Variants in ZHX3 observed in about 807,000 individuals in gnomAD.
The protein encoded by ZHX3 is zinc fingers and homeoboxes protein 3.
In ZHX3, 20 loss-of-function variants were observed where a neutral mutation model predicts 64.5. That is an observed-to-expected ratio of 0.31 (90% CI 0.22 to 0.45). The LOEUF (loss-of-function observed/expected upper bound fraction) is 0.45. ZHX3 is among the 20% of genes least tolerant of loss of function. The pLI, the probability that ZHX3 is intolerant of heterozygous loss-of-function variation, is 1.00. For missense variants in ZHX3, 1,041 were observed against 1,195.8 expected (o/e 0.87, Z 1.91); for synonymous variants, 423 against 461.6 (o/e 0.92, Z 1.07).
rs927414660 is a variant in ZHX3, at chr20:41,219,908, T to A, written c.-150-14842A>T. Among the ~76,000 whole-genome samples, 1 of 152,246 alleles carries A rather than the reference T, an allele frequency of 6.6e-6. No individual in the cohort carries two copies. Among genetic ancestry groups the A allele is most frequent in the African/African-American group, 2.4e-5 (1 of 41,470 alleles). ...TATGTTCCAGATGGCGGCTACTCTA[T>A]CAGCCTGAGTCCTAAAAGAAGAACA... is the stretch of plus-strand genomic sequence containing the variant. On this transcript the variant is annotated intron_variant, in intron 2 of 3. Transcript: ENST00000683867. This position sits in a 1 kb window ranked among gnomAD's most constrained non-coding sequence, Gnocchi z 5.0.
Position 41,182,903 on chromosome 20 carries a change from C to G in ZHX3, c.*2288G>C, listed in dbSNP as rs929537022. On this transcript the variant is annotated 3_prime_UTR_variant, in exon 4 of 4. Transcript: ENST00000683867. The surrounding 1 kb of genome is among the most constrained non-coding windows in gnomAD (Gnocchi z 6.1). ...TTGGGTTGTAAATTAACCGTGAATA[C>G]AAGTAACCAAGAAAATCCTCTCCAC... 1.3e-5 allele frequency: 2 copies of G among 152,280 alleles called. No individual in the cohort carries two copies. Among genetic ancestry groups the G allele is most frequent in the Admixed American group, 6.5e-5 (1 of 15,282 alleles). 9.4% of individuals were successfully genotyped at this position (152,280 alleles called of 1,614,324 possible). A position where few individuals can be genotyped will look rare whatever the true frequency, so the allele number is the denominator to read the frequency against.
At chr20:41,308,194 T>C (rs530882366) in intron 1 of ZHX3, among the ~76,000 whole-genome samples, 33 of 152,322 alleles carry the variant, frequency 2.2e-4, no homozygotes, top group Middle Eastern at 6.8e-3. Context: ...TTCCTTTTTT[T>C]CTCTAAAATG....
At chr20:41,260,677 C>T (rs911526091) in intron 2 of ZHX3, among the ~76,000 whole-genome samples, 5 of 152,180 alleles carry the variant, frequency 3.3e-5, no homozygotes, top group Non-Finnish European at 7.4e-5. Flanking sequence ...ACAGTAACAA[C>T]AATGGCAACA....
At chr20:41,227,938 C>T (rs1263721499) in intron 2 of ZHX3, among the ~76,000 whole-genome samples, 2 of 152,134 alleles carry the variant, frequency 1.3e-5, no homozygotes, top group African/African-American at 4.8e-5. Flanking sequence ...CTCCCCCATG[C>T]CAGACTGCCT....
intron 2 of ZHX3, among the ~76,000 whole-genome samples, chr20:41,268,371 T>C (rs1403349622): frequency 6.7e-6 from 1 of 150,310 alleles, no homozygotes. Context: ...GATTGTTTGC[T>C]AGTGTGCTTT....
In ZHX3 at chr20:41,202,876, G is replaced by A; in HGVS notation, c.2041C>T (p.Gln681Ter). ...ETKKAEENAS[Q>*]EEEEAAEDEG... ...TCCTCAGCAGCCTCCTCTTCCTCCT[G>A]AGAGGCATTCTCCTCAGCCTTCTTG... Residue 681 changes from glutamine to a stop codon, truncating the protein, a stop_gained, in exon 3 of 4, where the codon CAG (glutamine) becomes TAG (stop). Coordinates refer to ENST00000683867, the MANE Select transcript of ZHX3 (RefSeq NM_001384317.1). LOFTEE classifies it high-confidence loss of function. This position sits in a 1 kb window ranked among gnomAD's most constrained non-coding sequence, Gnocchi z 7.0. 6.2e-7 allele frequency: 1 copy of A among 1,614,074 alleles called. No individual in the cohort carries two copies.
rs1256427082 is a variant in ZHX3 at position 41,180,328 on chromosome 20, G to C, written c.*4863C>G. 6.6e-6 allele frequency: 1 copy of C among 152,614 alleles called. No individual in the cohort carries two copies. Among genetic ancestry groups the C allele is most frequent in the African/African-American group, 2.4e-5 (1 of 41,444 alleles). 9.5% of individuals were successfully genotyped at this position (152,614 alleles called of 1,614,324 possible). A position where few individuals can be genotyped will look rare whatever the true frequency, so the allele number is the denominator to read the frequency against. On this transcript the variant is annotated 3_prime_UTR_variant, in exon 4 of 4. Coordinates refer to ENST00000683867, the MANE Select transcript of ZHX3 (RefSeq NM_001384317.1). ...TCAAAGTCCTGCGAACCCAAAGATA[G>C]AACTTTCAGAAATTGAGGAAGGGGG...
In ZHX3 at chr20:41,219,832, T is replaced by G. The variant is rs6072309; in HGVS notation, c.-150-14766A>C. On this transcript the variant is annotated intron_variant, in intron 2 of 3. Coordinates refer to ENST00000683867, the MANE Select transcript of ZHX3 (RefSeq NM_001384317.1). This position sits in a 1 kb window ranked among gnomAD's most constrained non-coding sequence, Gnocchi z 5.0. Reference sequence around the variant, plus strand: ...TGTCACCTCCAGGGGAAAAGTTTTATGAGAAAGTATAGGCTTTGCCTCACT... The same window carrying G: ...TGTCACCTCCAGGGGAAAAGTTTTAGGAGAAAGTATAGGCTTTGCCTCACT... Among the ~76,000 whole-genome samples, 88,345 of 152,160 alleles carry G rather than the reference T, an allele frequency of 0.58. 26,976 individuals are homozygous for G. Among genetic ancestry groups the G allele is most frequent in the East Asian group, 0.82 (4,271 of 5,180 alleles).
intron 1 of ZHX3, among the ~76,000 whole-genome samples, chr20:41,301,512 A>G (rs780713860): frequency 3.3e-5 from 5 of 152,028 alleles, no homozygotes; most frequent in Non-Finnish European, 5.9e-5. Context: ...CAGTCCTTGA[A>G]TTCATTAAGA....
chr20:41,271,492 T>C (rs1229210011), intron 1 of ZHX3, among the ~76,000 whole-genome samples: 1 of 152,232 alleles, frequency 6.6e-6, no homozygotes, highest in African/African-American at 2.4e-5. Flanking sequence ...ATAAACCAGT[T>C]AGCTTTGTTT....
At chr20:41,222,257 A>C (rs1297868557) in intron 2 of ZHX3, among the ~76,000 whole-genome samples, 1 of 152,204 alleles carries the variant, frequency 6.6e-6, no homozygotes, top group East Asian at 1.9e-4. Flanking sequence ...GAGGATGTGA[A>C]CATTGTAGCC....
intron 1 of ZHX3, among the ~76,000 whole-genome samples, chr20:41,309,477 C>A (rs2045068623): frequency 1.3e-5 from 2 of 152,134 alleles, no homozygotes; most frequent in African/African-American, 4.8e-5. Flanking sequence ...TAACATACAT[C>A]CTCATATGAT....
At chr20:41,313,323 A>G (rs1337784949) in intron 1 of ZHX3, among the ~76,000 whole-genome samples, 1 of 152,164 alleles carries the variant, frequency 6.6e-6, no homozygotes, top group African/African-American at 2.4e-5. Flanking sequence ...CTGGAACCAG[A>G]GAAAGGGTGG....
intron 2 of ZHX3, among the ~76,000 whole-genome samples, chr20:41,235,615 C>G (rs150649533): frequency 6.6e-6 from 1 of 152,146 alleles, no homozygotes. Context: ...ATTGATGGGA[C>G]GTATCTCAAA....
intron 2 of ZHX3, among the ~76,000 whole-genome samples, chr20:41,205,295 C>T (rs771133728): frequency 5.3e-5 from 8 of 152,058 alleles, no homozygotes; most frequent in African/African-American, 1.4e-4. Context: ...ACTTAAGCAA[C>T]GTATTTTTGT....
At chr20:41,237,091 A>G (rs1458565153) in intron 2 of ZHX3, among the ~76,000 whole-genome samples, 1 of 152,220 alleles carries the variant, frequency 6.6e-6, no homozygotes, top group African/African-American at 2.4e-5. Context: ...TAGAATGGCA[A>G]TCATTAAAAA....
At chr20:41,259,661 GGAGAAAGAAGA>G (rs542120807) in intron 2 of ZHX3, among the ~76,000 whole-genome samples, 17 of 151,918 alleles carry the variant, frequency 1.1e-4, no homozygotes, top group African/African-American at 4.1e-4. Flanking sequence ...GGAGAGGGAG[GGAGAAAGAAGA>G]GAAAAAGAAA....
intron 3 of ZHX3, among the ~76,000 whole-genome samples, chr20:41,194,023 T>C (rs964810954): frequency 3.3e-5 from 5 of 152,190 alleles, no homozygotes; most frequent in Non-Finnish European, 7.4e-5. Flanking sequence ...TATATGATCA[T>C]GTCATCTGTG....
intron 2 of ZHX3, among the ~76,000 whole-genome samples, chr20:41,220,956 T>C (rs572165702): frequency 6.6e-6 from 1 of 152,268 alleles, no homozygotes; most frequent in African/African-American, 2.4e-5. Flanking sequence ...CCCAAAGTGC[T>C]GGGATTACAG....
Sources: allele counts gnomAD v4.1 joint callset (sites outside exome capture counted in the v4.1 genomes callset), GRCh38; gene constraint gnomAD v4.1.1; non-coding constraint Gnocchi (gnomAD v3.1); transcripts MANE v1.5; gene names NCBI Gene and HGNC (gene_info 2026-07-23, HGNC 2026-07-21).